ZNF385C: variants seen among roughly 807,000 people sequenced by gnomAD.
ZNF385C encodes zinc finger protein 385C, also known as CTD-2132N18.2.
Under a neutral mutation model 35.4 loss-of-function variants are expected in ZNF385C, and 28 were observed. The ratio of observed to expected loss-of-function variants is 0.79; its 90% confidence interval spans 0.59 to 1.08. ZNF385C has a LOEUF of 1.08. Among genes scored for constraint, ZNF385C ranks in the 50% least tolerant of loss-of-function variants. The pLI, the probability that ZNF385C is intolerant of heterozygous loss-of-function variation, is 0.00. For missense variants in ZNF385C, 605 were observed against 595.6 expected, an observed-to-expected ratio of 1.02 and a Z score of -0.16; for synonymous variants, 248 against 248.2, an observed-to-expected ratio of 1.00 and a Z score of 0.01.
chr17:42,076,629 C>T (rs1337832753), intron 1 of ZNF385C, among the ~76,000 whole-genome samples: 4 of 151,942 alleles, frequency 2.6e-5, no homozygotes, highest in Admixed American at 2.6e-4. Context: ...CTCAAACAAA[C>T]ACACAAAAAA....
chr17:42,037,931 C>T (rs1555655655), intron 2 of ZNF385C, 46 bp from the exon 3 acceptor site: 3 of 1,546,442 alleles, frequency 1.9e-6, no homozygotes, highest in South Asian at 2.4e-5. Context: ...TCTGTCCTAC[C>T]CCCGTGGCCA....
At chr17:42,052,185 A>AG (rs1260869332) in intron 2 of ZNF385C, among the ~76,000 whole-genome samples, 1 of 152,206 alleles carries the variant, frequency 6.6e-6, no homozygotes, top group Non-Finnish European at 1.5e-5. Context: ...AGACCAGTAC[A>AG]GAAGAAGAGG....
At chr17:42,079,607 A>G (rs2053727039) in intron 1 of ZNF385C, among the ~76,000 whole-genome samples, 1 of 151,894 alleles carries the variant, frequency 6.6e-6, no homozygotes, top group East Asian at 1.9e-4. Flanking sequence ...TGAAGACCAC[A>G]GTGAGCTATT....
intron 2 of ZNF385C, chr17:42,040,383 G>A: frequency 8.1e-7 from 1 of 1,231,956 alleles, no homozygotes; most frequent in Non-Finnish European, 1.0e-6. Context: ...GGAAGCCCTG[G>A]AGGCGGGCCC....
chr17:42,057,068 A>G (rs1275811446), intron 2 of ZNF385C, among the ~76,000 whole-genome samples: 6 of 152,240 alleles, frequency 3.9e-5, no homozygotes, highest in Admixed American at 6.5e-5. Context: ...CCCAGGAGGT[A>G]AAAGATGCAG....
intron 2 of ZNF385C, among the ~76,000 whole-genome samples, chr17:42,058,288 C>T (rs1555657736): frequency 3.3e-5 from 5 of 152,176 alleles, no homozygotes; most frequent in East Asian, 1.9e-4. Flanking sequence ...GTGGAAGCCT[C>T]CAGCCCTGCA....
chr17:42,040,763 G>A, intron 2 of ZNF385C: 1 of 1,232,398 alleles, frequency 8.1e-7, no homozygotes, highest in Non-Finnish European at 1.0e-6. Flanking sequence ...GGGCCACCAT[G>A]GAGGCGGAAT....
rs1175421119 is a variant in ZNF385C at position 42,028,964 on chromosome 17, A to G, written c.786T>C (p.Ser262=). The part of the protein sequence containing the change: ...SELLDAASSS[S]SSSCPPCSPE... ...GGGAGCAAGGTGGGCAGGAGGAAGA[A>G]GAGGATGAGGAGGCAGCATCCAAGA... The change falls in exon 6 of 9, where the codon TCT becomes TCC. Residue 262 remains serine, a synonymous_variant. Coordinates refer to ENST00000692273, the MANE Select transcript of ZNF385C (RefSeq NM_001392013.1). 3 of 1,550,494 alleles carry G rather than the reference A, an allele frequency of 1.9e-6. No individual in the cohort carries two copies. Among genetic ancestry groups the G allele is most frequent in the African/African-American group, 2.7e-5 (2 of 73,046 alleles).
intron 2 of ZNF385C, among the ~76,000 whole-genome samples, chr17:42,056,941 C>T (rs1295806046): frequency 6.6e-6 from 1 of 152,020 alleles, no homozygotes; most frequent in African/African-American, 2.4e-5. Context: ...TGAAAATGGA[C>T]TAATACACCC....
intron 1 of ZNF385C, chr17:42,065,118 C>G (rs180884452): frequency 6.6e-6 from 1 of 152,310 alleles, no homozygotes; most frequent in African/African-American, 2.4e-5. Context: ...TCCCAAAGCG[C>G]TGGGATTTCA....
At chr17:42,055,461 G>A (rs1475207287) in intron 2 of ZNF385C, among the ~76,000 whole-genome samples, 1 of 152,108 alleles carries the variant, frequency 6.6e-6, no homozygotes, top group African/African-American at 2.4e-5. Context: ...ATGACATTCG[G>A]GAAGAGCGTG....
At chr17:42,065,554 C>T (rs1310003405) in intron 1 of ZNF385C, among the ~76,000 whole-genome samples, 1 of 152,166 alleles carries the variant, frequency 6.6e-6, no homozygotes, top group East Asian at 1.9e-4. Flanking sequence ...CCAGATGCCA[C>T]CCCCATTCTC....
intron 2 of ZNF385C, among the ~76,000 whole-genome samples, chr17:42,042,510 A>C (rs2053048714): frequency 6.6e-6 from 1 of 151,616 alleles, no homozygotes; most frequent in Non-Finnish European, 1.5e-5. Context: ...TGACAGAGTG[A>C]GATTCCTCAA....
intron 3 of ZNF385C, among the ~76,000 whole-genome samples, chr17:42,035,697 G>A (rs1429992768): frequency 1.3e-5 from 2 of 151,550 alleles, no homozygotes; most frequent in African/African-American, 4.8e-5. Context: ...GATTACAGGC[G>A]CCCACCACTA....
At chr17:42,066,864 CAAG>C (rs2053554500) in intron 1 of ZNF385C, among the ~76,000 whole-genome samples, 1 of 151,938 alleles carries the variant, frequency 6.6e-6, no homozygotes, top group Admixed American at 6.6e-5. Flanking sequence ...ATCAGGAGTT[CAAG>C]ACCAGCCTGG....
intron 1 of ZNF385C, among the ~76,000 whole-genome samples, chr17:42,071,988 C>G (rs530787550): frequency 6.6e-6 from 1 of 152,228 alleles, no homozygotes; most frequent in African/African-American, 2.4e-5. Context: ...CCCCATGCCC[C>G]TTGCTGAAGC....
chr17:42,038,084 A>G, intron 2 of ZNF385C, 199 bp from the exon 3 acceptor site: 1 of 1,534,640 alleles, frequency 6.5e-7, no homozygotes, highest in Non-Finnish European at 8.7e-7. Flanking sequence ...AAGCAGAGGC[A>G]GGGAGTCCAC....
chr17:42,066,130 G>T (rs1268733348), intron 1 of ZNF385C, among the ~76,000 whole-genome samples: 1 of 152,060 alleles, frequency 6.6e-6, no homozygotes. Context: ...CACTATTTTG[G>T]CTCACTGCAA....
chr17:42,047,626 G>A (rs1417706107), intron 2 of ZNF385C, among the ~76,000 whole-genome samples: 4 of 152,026 alleles, frequency 2.6e-5, no homozygotes, highest in Non-Finnish European at 4.4e-5. Context: ...GCTGCCAGAT[G>A]CAATCGTAAC....
Sources: allele counts gnomAD v4.1 joint callset (sites outside exome capture counted in the v4.1 genomes callset), GRCh38; gene constraint gnomAD v4.1.1; transcripts MANE v1.5; gene names NCBI Gene and HGNC (gene_info 2026-07-23, HGNC 2026-07-21).